ECM2: variants seen among roughly 807,000 people sequenced by gnomAD.
ECM2 encodes extracellular matrix protein 2.
Under a neutral mutation model 67.5 loss-of-function variants are expected in ECM2, and 57 were observed. The ratio of observed to expected loss-of-function variants is 0.84; its 90% CI spans 0.68 to 1.05. The LOEUF is 1.05. Among genes scored for constraint, ECM2 ranks in the 50% least tolerant of loss-of-function variants. The probability of loss-of-function intolerance (pLI) is 0.00; values close to 1 mark genes in which losing one functional copy is unlikely to be tolerated. For missense variants in ECM2, 741 were observed against 822.8 expected, an observed-to-expected ratio of 0.90 and a Z score of 1.22; for synonymous variants, 258 against 294.5, an observed-to-expected ratio of 0.88 and a Z score of 1.27.
At position 92,532,034 on chromosome 9, in the gene ECM2, A is replaced by AT. The variant is rs58499748; in HGVS notation, c.-28+3898dup. On this transcript the variant is annotated intron_variant, in intron 1 of 9. Transcript: ENST00000344604. ...TTTAATGTTTTTTTTTTTTTATTTT[A>AT]TTTTTTTTTTGAGATGAGGTCTCAC... 3.4e-4 allele frequency among the ~76,000 whole-genome samples: 33 copies of AT among 98,258 alleles called. 2 individuals carry two copies. The South Asian group carries it at 3.5e-3, about 10-fold the overall frequency. The allele number at this position is 98,258 out of a possible 152,430, so 64.5% of individuals were successfully genotyped here.
chr9:92,502,853 G>C (rs888341156), intron 7 of ECM2, among the ~76,000 whole-genome samples: 3 of 143,812 alleles, frequency 2.1e-5, no homozygotes, highest in African/African-American at 8.0e-5. Flanking sequence ...TGTTACGCAG[G>C]ATGGAGTGCA....
the ECM2 span, among the ~76,000 whole-genome samples, chr9:92,547,817 C>T: frequency 4.6e-5 from 7 of 152,094 alleles, no homozygotes; most frequent in Admixed American, 2.0e-4. Context: ...AATTATATCT[C>T]GAGATAGCTG....
At chr9:92,515,500 A>G (rs1481711849) in intron 3 of ECM2, among the ~76,000 whole-genome samples, 1 of 152,210 alleles carries the variant, frequency 6.6e-6, no homozygotes, top group Non-Finnish European at 1.5e-5. Context: ...AGGAGGGAAT[A>G]ATATTGCCAC....
the ECM2 span, among the ~76,000 whole-genome samples, chr9:92,545,568 C>T: frequency 5.3e-5 from 8 of 152,200 alleles, no homozygotes; most frequent in African/African-American, 1.9e-4. Flanking sequence ...GCCTCCCCGA[C>T]GAGCTCTGCC....
Position 92,522,578 on chromosome 9 carries a change from G to A in ECM2, c.289C>T (p.Pro97Ser), listed in dbSNP as rs757720678. The stretch of plus-strand genomic sequence containing the variant: ...CTCTCTCATAGTGTTCTCTTACCTG[G>A]TAACACATTATAACTTGATTCTACT... ...PGVESSYNVL[P>S]GKKGHCLVKG... The change falls in exon 2 of 10, where the codon CCA becomes TCA. Residue 97 changes from proline to serine, a missense_variant. Pro to Ser is a moderately conservative substitution (Grantham distance 74, BLOSUM62 -1). Transcript: ENST00000344604. 1 of 1,607,572 alleles carries A rather than the reference G, an allele frequency of 6.2e-7. No individual in the cohort carries two copies. The highest frequency in any genetic ancestry group is 1.3e-5 in the African/African-American group (1 of 74,640).
chr9:92,496,532 G>T (rs766368490), intron 9 of ECM2, 49 bp from the exon 10 acceptor site: 5 of 1,566,524 alleles, frequency 3.2e-6, no homozygotes, highest in African/African-American at 1.4e-5. Flanking sequence ...GTAATAATCT[G>T]CCTTTAGGAG....
intron 5 of ECM2, among the ~76,000 whole-genome samples, chr9:92,511,061 G>C (rs368072486): frequency 6.6e-6 from 1 of 152,152 alleles, no homozygotes; most frequent in Non-Finnish European, 1.5e-5. Flanking sequence ...ACATTTATGA[G>C]TTTTTGTTTA....
chr9:92,496,052 T>G lies in ECM2; in HGVS notation c.*263A>C. The G allele has an allele frequency of 9.4e-7, 1 of 1,064,860 alleles. No homozygotes were observed. Among genetic ancestry groups the G allele is most frequent in the Non-Finnish European group, 1.1e-6 (1 of 883,598 alleles). 66.0% of individuals were successfully genotyped at this position (1,064,860 alleles called of 1,614,324 possible). A position where few individuals can be genotyped will look rare whatever the true frequency, so the allele number is the denominator to read the frequency against. On this transcript the variant is annotated 3_prime_UTR_variant, in exon 10 of 10. Coordinates refer to ENST00000344604, the MANE Select transcript of ECM2 (RefSeq NM_001393.4). The stretch of plus-strand genomic sequence containing the variant: ...TCCAGACTCTTCTGGTCTAGCTCAG[T>G]ATGCATAATATCCTATTCTAGTGAG...
At chr9:92,552,159 CAT>C in the ECM2 span, among the ~76,000 whole-genome samples, 3 of 136,202 alleles carry the variant, frequency 2.2e-5, no homozygotes, top group Non-Finnish European at 3.1e-5. Context: ...ATAGATCTAT[CAT>C]ATATATGTGA....
intron 2 of ECM2, 109 bp from the exon 3 acceptor site, chr9:92,517,984 AATTCTATGTG>A (rs1847830054): frequency 3.1e-6 from 4 of 1,274,660 alleles, no homozygotes; most frequent in Non-Finnish European, 4.4e-6. Flanking sequence ...ACAAGAATAG[AATTCTATGTG>A]CATTCATGTA....
At chr9:92,534,911 C>T (rs911091859) in intron 1 of ECM2, among the ~76,000 whole-genome samples, 1 of 152,110 alleles carries the variant, frequency 6.6e-6, no homozygotes, top group African/African-American at 2.4e-5. Flanking sequence ...GCCTAGACCT[C>T]GAGGCTCTAG....
intron 8 of ECM2, among the ~76,000 whole-genome samples, chr9:92,501,744 T>A (rs766228662): frequency 2.0e-4 from 31 of 152,150 alleles, no homozygotes; most frequent in Non-Finnish European, 4.3e-4. Flanking sequence ...GGCCTCTCCA[T>A]CCTGCTTCTG....
At position 92,525,282 on chromosome 9, in the gene ECM2, T is replaced by C. The variant is rs1052569749; in HGVS notation, c.-27-2389A>G. ...GCAGTGAGCAATGATTGCAGCACTGTACTCCAGCCTGGGTAACAGAGCGAG... is the reference window on the plus strand; with the variant it reads ...GCAGTGAGCAATGATTGCAGCACTGCACTCCAGCCTGGGTAACAGAGCGAG... On this transcript the variant is annotated intron_variant, in intron 1 of 9. Coordinates refer to ENST00000344604, the MANE Select transcript of ECM2 (RefSeq NM_001393.4). Among the ~76,000 whole-genome samples the C allele has an allele frequency of 5.3e-5, 8 of 150,506 alleles. No homozygotes were observed. In the South Asian group the frequency reaches 6.3e-4, roughly 12 times the overall value.
Position 92,522,678 on chromosome 9 carries a change from T to C in ECM2, c.189A>G (p.Pro63=). 1 of 1,614,160 alleles carries C rather than the reference T, an allele frequency of 6.2e-7. No individual in the cohort carries two copies. The highest frequency in any genetic ancestry group is 1.1e-5 in the South Asian group (1 of 91,088). Residue 63 remains proline, a synonymous_variant, in exon 2 of 10, where the codon CCA becomes CCG. Coordinates refer to ENST00000344604, the MANE Select transcript of ECM2 (RefSeq NM_001393.4). ...AGTTAACAATAGGAAGTCTTGCTAC[T>C]GGTGTAAAAACTGTTGTTTGCTGAA... The part of the protein sequence containing the change: ...LGIQQTTVFT[P]VARLPIVNFD...
intron 9 of ECM2, among the ~76,000 whole-genome samples, chr9:92,497,715 T>C (rs1846431009): frequency 6.6e-6 from 1 of 151,548 alleles, no homozygotes; most frequent in Non-Finnish European, 1.5e-5. Context: ...CCCCTCCAAA[T>C]CTCATGTTGA....
chr9:92,501,086 A>T, intron 8 of ECM2, 33 bp from the exon 9 acceptor site: 5 of 1,594,516 alleles, frequency 3.1e-6, no homozygotes, highest in Non-Finnish European at 4.3e-6. Context: ...CAGGGTAGGG[A>T]CATCAGGATG....
Position 92,496,110 on chromosome 9 carries a change from A to AT in ECM2, c.*204dup. 1 of 1,200,708 alleles carries AT rather than the reference A, an allele frequency of 8.3e-7. No individual in the cohort carries two copies. 74.4% of individuals were successfully genotyped at this position (1,200,708 alleles called of 1,614,324 possible). A position where few individuals can be genotyped will look rare whatever the true frequency, so the allele number is the denominator to read the frequency against. On this transcript the variant is annotated 3_prime_UTR_variant, in exon 10 of 10. Transcript: ENST00000344604. ...CTTTCTAGAGGTAGGAAACTGAGAG[A>AT]TTTTACCTTTACTATTAATAAAACT...
intron 1 of ECM2, 83 bp from the exon 2 acceptor site, chr9:92,522,976 CA>C: frequency 7.7e-7 from 1 of 1,300,092 alleles, no homozygotes; most frequent in African/African-American, 1.5e-5. Flanking sequence ...TTGTATGCCT[CA>C]GTAGGCAAGT....
At chr9:92,544,962 T>G in the ECM2 span, among the ~76,000 whole-genome samples, 1 of 152,256 alleles carries the variant, frequency 6.6e-6, no homozygotes, top group South Asian at 2.1e-4. Context: ...CCTCAGGTGA[T>G]CCACCCGCCT....
Sources: allele counts gnomAD v4.1 joint callset (sites outside exome capture counted in the v4.1 genomes callset), GRCh38; gene constraint gnomAD v4.1.1; transcripts MANE v1.5; gene names NCBI Gene and HGNC (gene_info 2026-07-23, HGNC 2026-07-21).